Variants in COPS3 observed in about 807,000 individuals in gnomAD.
The protein encoded by COPS3 is COP9 signalosome complex subunit 3.
A neutral mutation model predicts 58.2 loss-of-function variants in COPS3; 10 were observed. The ratio of observed to expected loss-of-function variants is 0.17; its 90% CI spans 0.11 to 0.29. COPS3 has a LOEUF of 0.29. Among genes scored for constraint, COPS3 ranks in the 10% least tolerant of loss-of-function variants. The pLI, the probability that COPS3 is intolerant of heterozygous loss-of-function variation, is 1.00. For synonymous variants in COPS3, 187 were observed against 181.7 expected, an observed-to-expected ratio of 1.03 and a Z score of -0.24; for missense variants, 333 against 510.1, an observed-to-expected ratio of 0.65 and a Z score of 3.34.
chr17:17,271,021 GAAAA>G lies in COPS3; in HGVS notation c.186-17_186-14del. 6.4e-7 allele frequency: 1 copy of G among 1,573,134 alleles called. No individual in the cohort carries two copies. The highest frequency in any genetic ancestry group is 8.7e-7 in the Non-Finnish European group (1 of 1,143,214). On this transcript the variant is annotated splice_polypyrimidine_tract_variant and intron_variant, in intron 2 of 11. Coordinates refer to ENST00000268717, the MANE Select transcript of COPS3 (RefSeq NM_003653.4). ...AAACTTCACAAACCTAGAATAAGGA[GAAAA>G]GAATCAAATTACCCTGATAGTTCAT... is the stretch of plus-strand genomic sequence containing the variant.
chr17:17,263,510 CTTTTTTTTT>C (rs34755381), intron 6 of COPS3, among the ~76,000 whole-genome samples: 8 of 98,888 alleles, frequency 8.1e-5, no homozygotes, highest in African/African-American at 1.2e-4. Context: ...CTTGCCTTTT[CTTTTTTTTT>C]TTTTTTTTTT....
Position 17,260,159 on chromosome 17 carries a change from C to A in COPS3, c.936+142G>T. On this transcript the variant is annotated intron_variant, in intron 8 of 11. Coordinates refer to ENST00000268717, the MANE Select transcript of COPS3 (RefSeq NM_003653.4). Reference sequence around the variant, plus strand: ...ATCAAATTCTTTCTAAGAAGCCAATCACAAGAGAGTTCTCTCTCAGCACAG... The same window carrying A: ...ATCAAATTCTTTCTAAGAAGCCAATAACAAGAGAGTTCTCTCTCAGCACAG... 7.3e-6 allele frequency: 6 copies of A among 824,378 alleles called. No homozygotes were observed. The South Asian group carries it at 1.0e-4, about 14-fold the overall frequency. The allele number at this position is 824,378 out of a possible 1,614,324, so 51.1% of individuals were successfully genotyped here.
Position 17,270,918 on chromosome 17 carries a change from G to A in COPS3, c.276C>T (p.His92=), listed in dbSNP as rs566792877. ...TACAAGTGTCTGTTGCATATCGAAT[G>A]TGCTCCCCATTACAAGTGCTGATGA... is the stretch of plus-strand genomic sequence containing the variant. ...QLFISTCNGE[H]IRYATDTFAG... The change falls in exon 3 of 12, where the codon CAC becomes CAT. Residue 92 remains histidine (H), a synonymous_variant. Coordinates refer to ENST00000268717, the MANE Select transcript of COPS3 (RefSeq NM_003653.4). 1.2e-6 allele frequency: 2 copies of A among 1,613,716 alleles called. No homozygotes were observed. Among genetic ancestry groups the A allele is most frequent in the African/African-American group, 1.3e-5 (1 of 74,962 alleles).
intron 9 of COPS3, among the ~76,000 whole-genome samples, chr17:17,252,128 C>A (rs1259358373): frequency 1.3e-5 from 2 of 152,030 alleles, no homozygotes; most frequent in African/African-American, 4.8e-5. Context: ...TGGAAGCAGA[C>A]ACAAGGGATA....
chr17:17,265,555 CA>C (rs1190624491), intron 5 of COPS3, among the ~76,000 whole-genome samples: 2 of 152,048 alleles, frequency 1.3e-5, no homozygotes, highest in Admixed American at 1.3e-4. Flanking sequence ...TGCACCACCA[CA>C]CCCAGCTAAT....
chr17:17,263,298 AAAAG>A (rs1372185254), intron 6 of COPS3, among the ~76,000 whole-genome samples: 3 of 151,448 alleles, frequency 2.0e-5, no homozygotes, highest in Admixed American at 6.6e-5. Context: ...AAAAAAAAAA[AAAAG>A]AGATTCTCCT....
chr17:17,278,817 GT>G (rs1275104844), intron 1 of COPS3, among the ~76,000 whole-genome samples: 2 of 151,582 alleles, frequency 1.3e-5, no homozygotes, highest in African/African-American at 4.8e-5. Context: ...AAGTTTAAGT[GT>G]CACAGAGTGC....
At chr17:17,262,310 G>A (rs1484771007) in intron 6 of COPS3, among the ~76,000 whole-genome samples, 1 of 152,048 alleles carries the variant, frequency 6.6e-6, no homozygotes, top group African/African-American at 2.4e-5. Context: ...ATCTAGGCTG[G>A]AGCGCAGTGA....
chr17:17,267,334 A>T (rs1172949997), intron 5 of COPS3, among the ~76,000 whole-genome samples: 43 of 148,608 alleles, frequency 2.9e-4, no homozygotes, highest in African/African-American at 5.0e-4. Context: ...TCTCAAAAAA[A>T]AAAAAAAAAA....
chr17:17,275,556 T>A (rs983154884), intron 2 of COPS3, among the ~76,000 whole-genome samples: 3 of 152,124 alleles, frequency 2.0e-5, no homozygotes, highest in Admixed American at 2.0e-4. Context: ...CTGGAATCAA[T>A]AAACTGTAAC....
intron 9 of COPS3, among the ~76,000 whole-genome samples, chr17:17,252,365 G>C (rs933069575): frequency 5.1e-4 from 70 of 137,226 alleles, no homozygotes; most frequent in Admixed American, 8.6e-4. Context: ...GCTGTCCAGG[G>C]TACAGATAAC....
At position 17,271,043 on chromosome 17, in the gene COPS3, T is replaced by C. The variant is rs142415802; in HGVS notation, c.186-35A>G. The C allele has an allele frequency of 1.1e-5, 15 of 1,407,688 alleles. No homozygotes were observed. In the East Asian group the frequency reaches 2.5e-4, roughly 24 times the overall value. The allele number at this position is 1,407,688 out of a possible 1,614,324, so 87.2% of individuals were successfully genotyped here. ...GGAGAAAAGAATCAAATTACCCTGA[T>C]AGTTCATGGGATAAAATACAGAAAC... On this transcript the variant is annotated intron_variant, in intron 2 of 11. Transcript: ENST00000268717.
chr17:17,277,411 CTA>C (rs2048483350), intron 1 of COPS3, among the ~76,000 whole-genome samples: 1 of 152,080 alleles, frequency 6.6e-6, no homozygotes, highest in Non-Finnish European at 1.5e-5. Context: ...TACTGCAATA[CTA>C]TGTTTGTTTT....
chr17:17,268,047 T>TA, intron 4 of COPS3, 70 bp from the exon 5 acceptor site: 2 of 1,553,312 alleles, frequency 1.3e-6, no homozygotes, highest in Non-Finnish European at 1.7e-6. Flanking sequence ...ATGTTGTCAC[T>TA]TATAAATAAA....
intron 8 of COPS3, among the ~76,000 whole-genome samples, chr17:17,258,613 C>T (rs2048029725): frequency 6.6e-6 from 1 of 152,068 alleles, no homozygotes; most frequent in South Asian, 2.1e-4. Context: ...TTTTTAATGG[C>T]AGCTGTTTTT....
intron 2 of COPS3, 55 bp from the exon 3 acceptor site, chr17:17,271,063 A>ATTGTTTCT: frequency 8.1e-7 from 1 of 1,227,624 alleles, no homozygotes. Flanking sequence ...GATAAAATAC[A>ATTGTTTCT]GAAACAATGT....
chr17:17,276,283 T>G, intron 1 of COPS3, 119 bp from the exon 2 acceptor site: 14 of 1,322,178 alleles, frequency 1.1e-5, no homozygotes, highest in African/African-American at 1.4e-5. Flanking sequence ...CTTAATCTCC[T>G]TCACTTCGGA....
At chr17:17,252,817 G>C (rs927821715) in intron 9 of COPS3, among the ~76,000 whole-genome samples, 3 of 152,226 alleles carry the variant, frequency 2.0e-5, no homozygotes, top group African/African-American at 7.2e-5. Flanking sequence ...TTACCAAGAT[G>C]CTCTTAGCAG....
At chr17:17,273,577 A>G (rs887558989) in intron 2 of COPS3, among the ~76,000 whole-genome samples, 2 of 152,078 alleles carry the variant, frequency 1.3e-5, no homozygotes, top group Non-Finnish European at 2.9e-5. Context: ...GTGGCCAGGT[A>G]TGGTGGCTTA....
Sources: gnomAD v4.1 joint callset for allele counts (sites outside exome capture counted in the v4.1 genomes callset) on GRCh38, gnomAD v4.1.1 for gene constraint, MANE v1.5 for transcripts, NCBI Gene and HGNC (gene_info 2026-07-23, HGNC 2026-07-21) for gene names.